The following F5 variants were observed in gnomAD, a reference collection of about 807,000 sequenced individuals.
F5 encodes coagulation factor V, also known as activated protein c cofactor.
F5 carries 138 observed loss-of-function variants against 216.4 expected under a neutral mutation model. That is an observed-to-expected ratio of 0.64 (90% CI 0.56 to 0.73). The LOEUF (loss-of-function observed/expected upper bound fraction) is 0.73, where lower values mean the gene tolerates loss of function less well. Among genes scored for constraint, F5 ranks in the 30% least tolerant of loss-of-function variants. The pLI is 0.00. For synonymous variants in F5, 916 were observed against 930.7 expected, an observed-to-expected ratio of 0.98 and a Z score of 0.29; for missense variants, 2,403 against 2,674.0, an observed-to-expected ratio of 0.90 and a Z score of 2.24.
chr1:169,544,554 A>G, intron 11 of F5, 46 bp from the exon 12 acceptor site: 1 of 1,490,866 alleles, frequency 6.7e-7, no homozygotes, highest in Non-Finnish European at 9.3e-7. Flanking sequence ...TGCCAACAAA[A>G]GGGCATGTGT....
rs1227290753 is a variant in F5 at position 169,523,216 on chromosome 1, T to C, written c.6029A>G (p.Asn2010Ser). ...NQINWQIFKG[N>S]STRNVMYFNG... ...ACAAACCATCACATTCCTTGTGCTG[T>C]TCCCTTTGAAGATCTGCCAGTTGAT... Residue 2010 changes from asparagine to serine, a missense_variant, in exon 21 of 25, where the codon AAC (asparagine) becomes AGC (serine). Transcript: ENST00000367797. The C allele has an allele frequency of 6.2e-7, 1 of 1,614,094 alleles. No homozygotes were observed. Among genetic ancestry groups the C allele is most frequent in the Non-Finnish European group, 8.5e-7 (1 of 1,179,964 alleles).
At chr1:169,574,002 A>T (rs573937794) in intron 2 of F5, among the ~76,000 whole-genome samples, 1 of 152,314 alleles carries the variant, frequency 6.6e-6, no homozygotes, top group East Asian at 1.9e-4. Flanking sequence ...AAAATAAACA[A>T]TAAAAACAAT....
At position 169,561,143 on chromosome 1, in the gene F5, C is replaced by T. The variant is rs570482581; in HGVS notation, c.374-377G>A. ...GTGGTGTTTAATAAGACATACTTAG[C>T]CTATTAACATGAGATGGGAGGATAG... On this transcript the variant is annotated intron_variant, in intron 3 of 24. Coordinates refer to ENST00000367797, the MANE Select transcript of F5 (RefSeq NM_000130.5). Among the ~76,000 whole-genome samples the T allele has an allele frequency of 1.2e-4, 18 of 152,132 alleles. No individual in the cohort carries two copies. The South Asian group carries it at 3.1e-3, about 26-fold the overall frequency.
intron 13 of F5, among the ~76,000 whole-genome samples, chr1:169,539,470 T>C (rs1008261229): frequency 1.3e-5 from 1 of 75,596 alleles, no homozygotes. Flanking sequence ...GGTAGCTAGT[T>C]GTTCTCATGT....
At chr1:169,582,410 A>C (rs1489071557) in intron 2 of F5, 21 bp downstream of exon 2, 4 of 1,324,816 alleles carry the variant, frequency 3.0e-6, no homozygotes, top group Non-Finnish European at 4.3e-6. Context: ...TTAAAATTAA[A>C]AAAGTATATT....
chr1:169,575,350 G>A (rs1329213799), intron 2 of F5, among the ~76,000 whole-genome samples: 2 of 152,202 alleles, frequency 1.3e-5, no homozygotes, highest in South Asian at 2.1e-4. Flanking sequence ...GAAGCCGAAG[G>A]CATCCTCAGA....
intron 13 of F5, 118 bp from the exon 14 acceptor site, chr1:169,536,798 G>A: frequency 2.7e-6 from 2 of 754,152 alleles, no homozygotes; most frequent in Non-Finnish European, 4.4e-6. Context: ...ATAAATACTT[G>A]GTGGATAAAT....
In F5 at chr1:169,542,485, T is replaced by C. The variant is rs148829900; in HGVS notation, c.2605A>G (p.Lys869Glu). 2.5e-6 allele frequency: 4 copies of C among 1,614,102 alleles called. No homozygotes were observed. Among genetic ancestry groups the C allele is most frequent in the Non-Finnish European group, 3.4e-6 (4 of 1,179,974 alleles). Reference protein sequence around the residue: ...SQEHAKHKGPKVERDQAAKHR... With the variant: ...SQEHAKHKGPEVERDQAAKHR... Reference sequence around the variant, plus strand: ...TTTGCTGCTTGATCTCTTTCTACCTTGGGTCCCTTATGCTTAGCATGTTCT... The same window carrying C: ...TTTGCTGCTTGATCTCTTTCTACCTCGGGTCCCTTATGCTTAGCATGTTCT... The change falls in exon 13 of 25, where the codon AAG becomes GAG. Residue 869 changes from lysine to glutamate, a missense_variant. By Grantham distance (56) the Lys-to-Glu change is moderately conservative. Transcript: ENST00000367797.
Position 169,514,477 on chromosome 1 carries a change from G to C in F5, c.6529-18C>G, listed in dbSNP as rs1201161762. The stretch of plus-strand genomic sequence containing the variant: ...TCAAAAATCTGAAAGCCAAATAAGA[G>C]AAAATCTTTAATGACAACATAAATG... On this transcript the variant is annotated intron_variant, in intron 24 of 24. Coordinates refer to ENST00000367797, the MANE Select transcript of F5 (RefSeq NM_000130.5). 1.2e-6 allele frequency: 2 copies of C among 1,610,170 alleles called. No individual in the cohort carries two copies. Among genetic ancestry groups the C allele is most frequent in the Non-Finnish European group, 1.7e-6 (2 of 1,177,132 alleles).
Position 169,514,204 on chromosome 1 carries a change from AG to A in F5, c.*108del, listed in dbSNP as rs1199656630. ...TTTTATTCACTAATAGAAAAGAAAG[AG>A]AAATAGTGGAAAACTGTTAACATTT... is the stretch of plus-strand genomic sequence containing the variant. On this transcript the variant is annotated 3_prime_UTR_variant, in exon 25 of 25. Coordinates refer to ENST00000367797, the MANE Select transcript of F5 (RefSeq NM_000130.5). 3 of 1,170,874 alleles carry A rather than the reference AG, an allele frequency of 2.6e-6. No individual in the cohort carries two copies. In the African/African-American group the frequency reaches 4.6e-5, roughly 18 times the overall value. The allele number at this position is 1,170,874 out of a possible 1,614,324, so 72.5% of individuals were successfully genotyped here. A position where few individuals can be genotyped will look rare whatever the true frequency, so the allele number is the denominator to read the frequency against.
At chr1:169,537,166 T>G (rs2101815576) in intron 13 of F5, among the ~76,000 whole-genome samples, 1 of 152,272 alleles carries the variant, frequency 6.6e-6, no homozygotes, top group East Asian at 1.9e-4. Flanking sequence ...ACTTAATAAA[T>G]TTTTGTCAAA....
At chr1:169,530,668 C>T (rs1659573956) in intron 15 of F5, 118 bp downstream of exon 15, 15 of 892,216 alleles carry the variant, frequency 1.7e-5, no homozygotes, top group Non-Finnish European at 2.4e-5. Flanking sequence ...CACCCTTATG[C>T]ATTCCTCATG....
At chr1:169,543,307 G>A (rs1463216067) in intron 12 of F5, among the ~76,000 whole-genome samples, 193 bp from the exon 13 acceptor site, 1 of 152,146 alleles carries the variant, frequency 6.6e-6, no homozygotes, top group Non-Finnish European at 1.5e-5. Flanking sequence ...AAATGAGAAT[G>A]AAATATTTAG....
chr1:169,548,750 T>C (rs1277240981), intron 10 of F5, among the ~76,000 whole-genome samples: 1 of 151,606 alleles, frequency 6.6e-6, no homozygotes, highest in Non-Finnish European at 1.5e-5. Flanking sequence ...GCGCCTGTAA[T>C]CCCAGCTACT....
Position 169,565,692 on chromosome 1 carries a change from A to G in F5, c.374-4926T>C, listed in dbSNP as rs375884025. Among the ~76,000 whole-genome samples, 20 of 152,200 alleles carry G rather than the reference A, an allele frequency of 1.3e-4. No homozygotes were observed. The East Asian group carries it at 2.7e-3, about 21-fold the overall frequency. The stretch of plus-strand genomic sequence containing the variant: ...CTGCACAGAATTTTGTTGGATCTGG[A>G]TCTTAGCTGCCCTTTTCTGCTTTCT... On this transcript the variant is annotated intron_variant, in intron 3 of 24. Coordinates refer to ENST00000367797, the MANE Select transcript of F5 (RefSeq NM_000130.5).
Position 169,518,552 on chromosome 1 carries a change from G to A in F5, c.6205C>T (p.Pro2069Ser), listed in dbSNP as rs564167068. ...QGCEVNGCST[P>S]LGMENGKIEN... ...ATCTTTCCATTTTCCATACCCAGGG[G>A]TGTGGAACATCCTATCAAAAGAAAA... Residue 2069 changes from proline (P) to serine (S), a missense_variant, in exon 23 of 25, where the codon CCC (proline) becomes TCC (serine). By Grantham distance (74) the Pro-to-Ser change is moderately conservative. Transcript: ENST00000367797. The A allele has an allele frequency of 1.5e-5, 25 of 1,613,628 alleles. No individual in the cohort carries two copies. Among genetic ancestry groups the A allele is most frequent in the Non-Finnish European group, 1.9e-5 (22 of 1,179,844 alleles).
At chr1:169,559,373 T>G (rs1347534821) in intron 4 of F5, 77 bp from the exon 5 acceptor site, 4 of 1,433,724 alleles carry the variant, frequency 2.8e-6, no homozygotes, top group Non-Finnish European at 3.9e-6. Flanking sequence ...AGCAAAGAGT[T>G]TAGGGCAAGC....
In F5 at chr1:169,546,542, G is replaced by A. The variant is rs376310610; in HGVS notation, c.1662C>T (p.Asn554=). The A allele has an allele frequency of 1.1e-5, 18 of 1,613,994 alleles. No homozygotes were observed. The highest frequency in any genetic ancestry group is 2.2e-5 in the East Asian group (1 of 44,896). ...TGTTGTCCTCAAGGTACCAGCTTTT[G>A]TTCTCATCAAACACAGCAAACACAG... ...QQAVFAVFDE[N]KSWYLEDNIN... Residue 554 remains asparagine (N), a synonymous_variant, in exon 11 of 25, where the codon AAC becomes AAT. Transcript: ENST00000367797.
chr1:169,582,506 T>A lies in F5; in HGVS notation c.175A>T (p.Thr59Ser). 6.5e-7 allele frequency: 1 copy of A among 1,543,570 alleles called. No homozygotes were observed. The highest frequency in any genetic ancestry group is 8.9e-7 in the Non-Finnish European group (1 of 1,120,372). Residue 59 changes from threonine to serine, a missense_variant, in exon 2 of 25, where the codon ACT becomes TCT. Transcript: ENST00000367797. Reference sequence around the variant, plus strand: ...CTGTAGACAATTTTCTTAAAGGAAGTTACAGAAAGATTCAAACTGGAAATA... The same window carrying A: ...CTGTAGACAATTTTCTTAAAGGAAGATACAGAAAGATTCAAACTGGAAATA... ...PTNSSLNLSV[T>S]SFKKIVYREY...
Sources: gnomAD v4.1 joint callset for allele counts (sites outside exome capture counted in the v4.1 genomes callset) on GRCh38, gnomAD v4.1.1 for gene constraint, MANE v1.5 for transcripts, NCBI Gene and HGNC (gene_info 2026-07-23, HGNC 2026-07-21) for gene names.